The following IL1RAP variants were observed in gnomAD, a reference collection of about 807,000 sequenced individuals.
The protein encoded by IL1RAP is interleukin-1 receptor accessory protein.
In IL1RAP, 35 loss-of-function variants were observed where a neutral mutation model predicts 60.7. The observed-to-expected ratio is 0.58, with a 90% confidence interval of 0.44 to 0.76. The LOEUF (loss-of-function observed/expected upper bound fraction) is 0.76, where lower values mean the gene tolerates loss of function less well. Ranked by LOEUF, IL1RAP falls within the 30% of genes least tolerant of loss-of-function variation. The pLI, the probability that IL1RAP is intolerant of heterozygous loss-of-function variation, is 0.00. For missense variants in IL1RAP, 572 were observed against 693.9 expected (o/e 0.82, Z 1.97); for synonymous variants, 268 against 250.9 (o/e 1.07, Z -0.64).
At chr3:190,596,481 C>G (rs6444437) in intron 3 of IL1RAP, among the ~76,000 whole-genome samples, 2 of 152,180 alleles carry the variant, frequency 1.3e-5, no homozygotes, top group Non-Finnish European at 2.9e-5. Flanking sequence ...TTAGTTAAAA[C>G]GTATACCCTG....
chr3:190,541,548 T>G (rs1055593211), intron 1 of IL1RAP, among the ~76,000 whole-genome samples: 5 of 152,174 alleles, frequency 3.3e-5, no homozygotes, highest in Non-Finnish European at 4.4e-5. Flanking sequence ...GTCTTTGGCC[T>G]TGTGGTAACA....
Position 190,648,948 on chromosome 3 carries a change from G to C in IL1RAP, c.*243G>C. Reference sequence around the variant, plus strand: ...TGCCACTATGTTCTTTGCAGGCAAAGACTTGTTCAATGCGAATTTCCCCTT... The same window carrying C: ...TGCCACTATGTTCTTTGCAGGCAAACACTTGTTCAATGCGAATTTCCCCTT... On this transcript the variant is annotated 3_prime_UTR_variant, in exon 12 of 12. Transcript: ENST00000447382. 1 of 1,247,738 alleles carries C rather than the reference G, an allele frequency of 8.0e-7. No homozygotes were observed. The highest frequency in any genetic ancestry group is 1.0e-6 in the Non-Finnish European group (1 of 993,900). 77.3% of individuals were successfully genotyped at this position (1,247,738 alleles called of 1,614,324 possible).
At chr3:190,602,386 C>T (rs1237646426) in intron 3 of IL1RAP, among the ~76,000 whole-genome samples, 1 of 151,966 alleles carries the variant, frequency 6.6e-6, no homozygotes, top group East Asian at 1.9e-4. Flanking sequence ...ATTTTATAAT[C>T]ATTAATTACT....
chr3:190,571,286 G>A (rs536132303), intron 3 of IL1RAP, among the ~76,000 whole-genome samples: 9 of 151,974 alleles, frequency 5.9e-5, no homozygotes, highest in African/African-American at 2.2e-4. Context: ...CTGAGGTGGG[G>A]AGATTGCTTG....
intron 3 of IL1RAP, among the ~76,000 whole-genome samples, chr3:190,567,269 AT>A (rs776426798): frequency 2.0e-5 from 3 of 152,144 alleles, no homozygotes; most frequent in Non-Finnish European, 2.9e-5. Context: ...AAAGCAAATG[AT>A]TTTTTAAGAA....
At chr3:190,617,858 C>G (rs1311432876) in intron 5 of IL1RAP, among the ~76,000 whole-genome samples, 1 of 152,166 alleles carries the variant, frequency 6.6e-6, no homozygotes, top group African/African-American at 2.4e-5. Context: ...TAACAATGCC[C>G]TGAATTACCC....
chr3:190,565,540 A>G (rs547201700), intron 3 of IL1RAP, among the ~76,000 whole-genome samples: 42 of 152,148 alleles, frequency 2.8e-4, no homozygotes, highest in Non-Finnish European at 5.0e-4. Context: ...GTACTAAAGG[A>G]GTGGTATAAG....
Position 190,586,042 on chromosome 3 carries a change from G to A in IL1RAP, c.65-18086G>A, listed in dbSNP as rs148642463. 4.5e-3 allele frequency among the ~76,000 whole-genome samples: 682 copies of A among 152,204 alleles called. 1 individual carries two copies. The highest frequency in any genetic ancestry group is 0.034 in the Middle Eastern group (10 of 294). ...TCAGCCTGGACTCCTCCCCTTGGAG[G>A]AGGAGTCAGTGCACATTCTATGCAT... On this transcript the variant is annotated intron_variant, in intron 3 of 11. Transcript: ENST00000447382.
At chr3:190,630,891 C>T (rs1732734600) in intron 9 of IL1RAP, among the ~76,000 whole-genome samples, 1 of 152,128 alleles carries the variant, frequency 6.6e-6, no homozygotes, top group East Asian at 1.9e-4. Flanking sequence ...AATACCACTA[C>T]CTTATAAGGT....
intron 8 of IL1RAP, among the ~76,000 whole-genome samples, chr3:190,628,896 G>A (rs1182544033): frequency 6.6e-6 from 1 of 152,120 alleles, no homozygotes; most frequent in African/African-American, 2.4e-5. Context: ...TGCACTGTGT[G>A]GGCATTATGA....
chr3:190,651,115 A>G lies in IL1RAP; in HGVS notation c.*2410A>G, dbSNP rs1734366510. The G allele has an allele frequency of 3.0e-6, 3 of 985,200 alleles. No homozygotes were observed. The highest frequency in any genetic ancestry group is 1.7e-5 in the African/African-American group (1 of 57,336). The allele number at this position is 985,200 out of a possible 1,614,324, so 61.0% of individuals were successfully genotyped here. A position where few individuals can be genotyped will look rare whatever the true frequency, so the allele number is the denominator to read the frequency against. ...GAAGATGGCCAATAGAGAACATTCA[A>G]GGGAAATGGGGAAACATAATTTAGA... On this transcript the variant is annotated 3_prime_UTR_variant, in exon 12 of 12. Coordinates refer to ENST00000447382, the MANE Select transcript of IL1RAP (RefSeq NM_002182.4).
At chr3:190,516,682 C>G (rs1462651984) in intron 1 of IL1RAP, among the ~76,000 whole-genome samples, 1 of 151,932 alleles carries the variant, frequency 6.6e-6, no homozygotes, top group Non-Finnish European at 1.5e-5. Flanking sequence ...TGATATTGAG[C>G]AGTTTATTTA....
rs9852032 is a variant in IL1RAP at position 190,592,796 on chromosome 3, G to C, written c.65-11332G>C. Among the ~76,000 whole-genome samples the C allele has an allele frequency of 5.8e-3, 877 of 152,204 alleles. 11 individuals carry two copies. Among genetic ancestry groups the C allele is most frequent in the African/African-American group, 0.02 (817 of 41,546 alleles). On this transcript the variant is annotated intron_variant, in intron 3 of 11. Coordinates refer to ENST00000447382, the MANE Select transcript of IL1RAP (RefSeq NM_002182.4). Reference sequence around the variant, plus strand: ...TTCTGAATTTAAACTTCGTAGGATTGGTTGTTTTCATCCGTCAGGGTTCAC... The same window carrying C: ...TTCTGAATTTAAACTTCGTAGGATTCGTTGTTTTCATCCGTCAGGGTTCAC...
chr3:190,585,805 C>T (rs1032715554), intron 3 of IL1RAP, among the ~76,000 whole-genome samples: 1 of 151,304 alleles, frequency 6.6e-6, no homozygotes, highest in Admixed American at 6.6e-5. Flanking sequence ...GAGTGAGACT[C>T]CAACTCCAAA....
intron 9 of IL1RAP, among the ~76,000 whole-genome samples, chr3:190,632,063 A>G (rs2108825545): frequency 6.6e-6 from 1 of 152,092 alleles, no homozygotes; most frequent in East Asian, 2.0e-4. Context: ...TCAGCCTCCC[A>G]AAGTGCTGGG....
Position 190,600,206 on chromosome 3 carries a change from G to A in IL1RAP, c.65-3922G>A, listed in dbSNP as rs1308470889. Among the ~76,000 whole-genome samples, 3 of 152,268 alleles carry A rather than the reference G, an allele frequency of 2.0e-5. No homozygotes were observed. The East Asian group carries it at 5.8e-4, about 29-fold the overall frequency. ...TGATGTGGCTGCACAATTTTCTAAA[G>A]AGCTTCTGATAGTAAGATTGTCATA... On this transcript the variant is annotated intron_variant, in intron 3 of 11. Coordinates refer to ENST00000447382, the MANE Select transcript of IL1RAP (RefSeq NM_002182.4).
At chr3:190,635,583 T>G (rs940518250) in intron 9 of IL1RAP, among the ~76,000 whole-genome samples, 1 of 152,212 alleles carries the variant, frequency 6.6e-6, no homozygotes, top group African/African-American at 2.4e-5. Flanking sequence ...CTTTCTAATT[T>G]CTGTTTTCAT....
chr3:190,522,340 TCCTC>T (rs1553824745), intron 1 of IL1RAP, among the ~76,000 whole-genome samples: 3 of 130,212 alleles, frequency 2.3e-5, no homozygotes, highest in South Asian at 2.3e-4. Flanking sequence ...CTTCCTTCCT[TCCTC>T]CCTCCCTCCC....
chr3:190,631,500 G>A lies in IL1RAP; in HGVS notation c.1051+2002G>A, dbSNP rs114156099. On this transcript the variant is annotated intron_variant, in intron 9 of 11. Transcript: ENST00000447382. ...TGTTTGGTCACACCTGTGTATTTCC[G>A]GTGGTACCAGAGGAGTTGTGGTTTT... is the stretch of plus-strand genomic sequence containing the variant. Among the ~76,000 whole-genome samples the A allele has an allele frequency of 1.7e-3, 260 of 152,228 alleles. 2 individuals carry two copies. Among genetic ancestry groups the A allele is most frequent in the African/African-American group, 5.9e-3 (246 of 41,546 alleles).
Sources: allele counts gnomAD v4.1 joint callset (sites outside exome capture counted in the v4.1 genomes callset), GRCh38; gene constraint gnomAD v4.1.1; transcripts MANE v1.5; gene names NCBI Gene and HGNC (gene_info 2026-07-23, HGNC 2026-07-21).